The following NHERF4 variants were observed in gnomAD, a reference collection of about 807,000 sequenced individuals.
NHERF4 encodes Na(+)/H(+) exchange regulatory cofactor NHE-RF4.
chr11:119,186,350 C>T, the NHERF4 span: 1 of 1,553,786 alleles, frequency 6.4e-7, no homozygotes, highest in Non-Finnish European at 8.8e-7. The surrounding 1 kb of genome is among the most constrained non-coding windows in gnomAD (Gnocchi z 4.4). Context: ...AACCCCACCA[C>T]CCAACACCCA....
the NHERF4 span, chr11:119,187,416 CAT>C: frequency 1.2e-6 from 2 of 1,614,058 alleles, no homozygotes. Flanking sequence ...GGCTGTGCCA[CAT>C]AGTGAAAGAT....
At chr11:119,189,636 C>G in the NHERF4 span, 1 of 934,314 alleles carries the variant, frequency 1.1e-6, no homozygotes, top group Non-Finnish European at 1.7e-6. This position sits in a 1 kb window ranked among gnomAD's most constrained non-coding sequence, Gnocchi z 5.8. Context: ...GGTGCTCCCT[C>G]CCTTCCTGCA....
the NHERF4 span, chr11:119,188,439 G>A: frequency 6.2e-7 from 1 of 1,613,578 alleles, no homozygotes; most frequent in Non-Finnish European, 8.5e-7. Context: ...GCTGTGGCTG[G>A]GGAGAGCGTG....
chr11:119,187,854 G>C, the NHERF4 span: 1 of 1,469,464 alleles, frequency 6.8e-7, no homozygotes, highest in Non-Finnish European at 9.0e-7. Flanking sequence ...GCTCCACTTA[G>C]TGCCTGGGAG....
the NHERF4 span, chr11:119,188,989 G>A: frequency 1.9e-6 from 3 of 1,613,964 alleles, no homozygotes; most frequent in Non-Finnish European, 2.5e-6. Context: ...TGTTCTGCAT[G>A]CCCCCACAAC....
chr11:119,186,077 C>T, the NHERF4 span: 2 of 1,610,552 alleles, frequency 1.2e-6, no homozygotes, highest in South Asian at 2.2e-5. The surrounding 1 kb of genome is among the most constrained non-coding windows in gnomAD (Gnocchi z 4.4). Context: ...ACCTGCTTCC[C>T]CTGCCTCCTT....
At chr11:119,187,587 G>T in the NHERF4 span, 1 of 1,589,504 alleles carries the variant, frequency 6.3e-7, no homozygotes, top group Non-Finnish European at 8.6e-7. Flanking sequence ...TTTCTGGTTG[G>T]TGCTAAGTAC....
the NHERF4 span, chr11:119,185,697 T>A: frequency 1.3e-6 from 1 of 766,922 alleles, no homozygotes. Flanking sequence ...TGTACTGATA[T>A]GCTCAGATTT....
At chr11:119,187,182 C>A in the NHERF4 span, 2 of 1,126,858 alleles carry the variant, frequency 1.8e-6, no homozygotes, top group Non-Finnish European at 2.4e-6. Context: ...AGCCGATTCC[C>A]TTGGCAAAAA....
At chr11:119,189,000 A>G in the NHERF4 span, 18 of 1,613,824 alleles carry the variant, frequency 1.1e-5, no homozygotes, top group Non-Finnish European at 1.5e-5. Flanking sequence ...CCCCCACAAC[A>G]CCAGGTGACT....
At chr11:119,187,393 G>C in the NHERF4 span, 6 of 1,613,996 alleles carry the variant, frequency 3.7e-6, no homozygotes, top group African/African-American at 5.3e-5. Flanking sequence ...CCTAGGCCCA[G>C]GGGTCCGGCC....
chr11:119,186,659 A>G, the NHERF4 span: 1 of 1,610,304 alleles, frequency 6.2e-7, no homozygotes. This position sits in a 1 kb window ranked among gnomAD's most constrained non-coding sequence, Gnocchi z 4.4. Context: ...GCGGTGAACA[A>G]TGATGTTGTG....
chr11:119,187,162 A>G, the NHERF4 span: 6 of 923,362 alleles, frequency 6.5e-6, no homozygotes, highest in African/African-American at 8.5e-5. Flanking sequence ...AAAAAAAGAA[A>G]AAGAAAAAAA....
the NHERF4 span, chr11:119,187,549 T>G: frequency 6.2e-7 from 1 of 1,601,866 alleles, no homozygotes. Context: ...CCTTGCTTTT[T>G]TTTTTAATTT....
the NHERF4 span, chr11:119,187,917 G>A: frequency 1.3e-6 from 2 of 1,527,320 alleles, no homozygotes; most frequent in African/African-American, 1.4e-5. Context: ...GTGTTATACT[G>A]ATGCCCTGCT....
the NHERF4 span, chr11:119,187,277 G>A: frequency 4.9e-5 from 78 of 1,598,258 alleles, no homozygotes; most frequent in Non-Finnish European, 1.9e-5. Context: ...CAGGTGGTAC[G>A]CCGCATCCGG....
At chr11:119,189,030 G>A in the NHERF4 span, 12 of 1,613,958 alleles carry the variant, frequency 7.4e-6, no homozygotes, top group Middle Eastern at 1.6e-4. The surrounding 1 kb of genome is among the most constrained non-coding windows in gnomAD (Gnocchi z 5.8). Context: ...TCAGCTGCCC[G>A]GGCTGGGCTG....
At chr11:119,188,525 C>T in the NHERF4 span, 7 of 1,600,496 alleles carry the variant, frequency 4.4e-6, no homozygotes, top group Non-Finnish European at 6.0e-6. Flanking sequence ...TGTCGTCGAC[C>T]CTGAGGCGGA....
the NHERF4 span, chr11:119,187,874 T>TG: frequency 2.7e-6 from 4 of 1,476,912 alleles, no homozygotes; most frequent in African/African-American, 1.4e-5. Context: ...GGAGGGGCTG[T>TG]GGGGGGAGCA....
Sources: gnomAD v4.1 joint callset for allele counts on GRCh38, gnomAD v4.1.1 for gene constraint, Gnocchi (gnomAD v3.1) non-coding constraint, MANE v1.5 for transcripts, NCBI Gene and HGNC (gene_info 2026-07-23, HGNC 2026-07-21) for gene names.